The following PHKG2 variants were observed in gnomAD, a reference collection of about 807,000 sequenced individuals.
The protein encoded by PHKG2 is phosphorylase kinase catalytic subunit gamma 2, also known as phosphorylase b kinase gamma catalytic chain, liver/testis isoform.
A neutral mutation model predicts 44.5 loss-of-function variants in PHKG2; 28 were observed. That is an observed-to-expected ratio of 0.63 (90% CI 0.47 to 0.86). The LOEUF is 0.86. PHKG2 is among the 40% of genes least tolerant of loss of function. PHKG2 has a pLI of 0.00. For synonymous variants in PHKG2, 220 were observed against 211.2 expected, an observed-to-expected ratio of 1.04 and a Z score of -0.36; for missense variants, 498 against 547.5, an observed-to-expected ratio of 0.91 and a Z score of 0.90.
At position 30,756,800 on chromosome 16, in the gene PHKG2, C is replaced by A; in HGVS notation, c.928-4C>A. The A allele has an allele frequency of 6.2e-7, 1 of 1,614,142 alleles. No homozygotes were observed. ...ACTAGAGCTCACCCTGCCCCCCTTCCCAGGTGGCAGTGTGGACAGTGCTGG... is the reference window on the plus strand; with the variant it reads ...ACTAGAGCTCACCCTGCCCCCCTTCACAGGTGGCAGTGTGGACAGTGCTGG... On this transcript the variant is annotated splice_region_variant and splice_polypyrimidine_tract_variant and intron_variant, in intron 9 of 9. Coordinates refer to ENST00000563588, the MANE Select transcript of PHKG2 (RefSeq NM_000294.3).
rs144792786 is a variant in PHKG2 at position 30,756,501 on chromosome 16, C to G, written c.782C>G (p.Ser261Cys). ...QFSSPEWDDR[S>C]STVKDLISRL... is the part of the protein sequence containing the mutation. ...AGTTCCCCCGAGTGGGATGACCGTTCCAGCACTGTCAAAGACCTGGTGAGC... is the reference window on the plus strand; with the variant it reads ...AGTTCCCCCGAGTGGGATGACCGTTGCAGCACTGTCAAAGACCTGGTGAGC... Residue 261 changes from serine to cysteine, a missense_variant, in exon 8 of 10, where the codon TCC becomes TGC. By Grantham distance (112) the Ser-to-Cys change is moderately radical (BLOSUM62 -1). Transcript: ENST00000563588. 317 of 1,613,112 alleles carry G rather than the reference C, an allele frequency of 2.0e-4. No individual in the cohort carries two copies. Among genetic ancestry groups the G allele is most frequent in the Non-Finnish European group, 1.7e-4 (197 of 1,180,020 alleles).
chr16:30,753,880 C>T (rs893143527), intron 6 of PHKG2, among the ~76,000 whole-genome samples: 1 of 152,188 alleles, frequency 6.6e-6, no homozygotes, highest in African/African-American at 2.4e-5. Context: ...TGTTCAGCCA[C>T]GTTTGGGGTC....
At position 30,756,956 on chromosome 16, in the gene PHKG2, C is replaced by T; in HGVS notation, c.1080C>T (p.His360=). ...ACTGTGCCTTCCGGCTCTACGGGCA[C>T]TGGGTAAAGAAAGGGGAGCAGCAGA... ...IDNCAFRLYG[H]WVKKGEQQNR... is the part of the protein sequence containing the mutation. The change falls in exon 10 of 10, where the codon CAC becomes CAT. Residue 360 remains histidine (H), a synonymous_variant. Transcript: ENST00000563588. The T allele has an allele frequency of 6.2e-7, 1 of 1,613,476 alleles. No individual in the cohort carries two copies. Among genetic ancestry groups the T allele is most frequent in the Non-Finnish European group, 8.5e-7 (1 of 1,180,020 alleles).
chr16:30,760,180 A>G lies in PHKG2; in HGVS notation c.*3083A>G. ...GTATGATGATGCTACTAATAATGAC[A>G]TATTCCAGGCAGAAATCCCCTGCTT... On this transcript the variant is annotated 3_prime_UTR_variant, in exon 10 of 10. Coordinates refer to ENST00000563588, the MANE Select transcript of PHKG2 (RefSeq NM_000294.3). The G allele has an allele frequency of 6.2e-7, 1 of 1,603,550 alleles. No individual in the cohort carries two copies.
intron 2 of PHKG2, among the ~76,000 whole-genome samples, chr16:30,750,870 C>T (rs1010197994): frequency 1.3e-5 from 2 of 152,178 alleles, no homozygotes; most frequent in African/African-American, 4.8e-5. Flanking sequence ...AGTGGCAGAG[C>T]CTGGATTTGA....
In PHKG2 at chr16:30,759,708, G is replaced by A. The variant is rs756766317; in HGVS notation, c.*2611G>A. On this transcript the variant is annotated 3_prime_UTR_variant, in exon 10 of 10. Coordinates refer to ENST00000563588, the MANE Select transcript of PHKG2 (RefSeq NM_000294.3). Reference sequence around the variant, plus strand: ...TGAAGTAGCGGTAGCACTCCTCCACGTTGCCCAAGGGGGTTGCTGGTAGGG... The same window carrying A: ...TGAAGTAGCGGTAGCACTCCTCCACATTGCCCAAGGGGGTTGCTGGTAGGG... 5 of 1,612,148 alleles carry A rather than the reference G, an allele frequency of 3.1e-6. No individual in the cohort carries two copies. Among genetic ancestry groups the A allele is most frequent in the Non-Finnish European group, 3.4e-6 (4 of 1,178,924 alleles).
chr16:30,759,691 C>T lies in PHKG2; in HGVS notation c.*2594C>T, dbSNP rs749395777. On this transcript the variant is annotated 3_prime_UTR_variant, in exon 10 of 10. Transcript: ENST00000563588. ...GCAAAAAAGGACACTGGTGAAGTAG[C>T]GGTAGCACTCCTCCACGTTGCCCAA... 6 of 1,613,474 alleles carry T rather than the reference C, an allele frequency of 3.7e-6. No homozygotes were observed. Among genetic ancestry groups the T allele is most frequent in the Admixed American group, 1.7e-5 (1 of 59,978 alleles).
Position 30,758,375 on chromosome 16 carries a change from CTT to C in PHKG2, c.*1280_*1281del, listed in dbSNP as rs1461529611. 6.5e-6 allele frequency: 1 copy of C among 153,778 alleles called. No homozygotes were observed. The highest frequency in any genetic ancestry group is 1.4e-5 in the Non-Finnish European group (1 of 69,148). 9.5% of individuals were successfully genotyped at this position (153,778 alleles called of 1,614,324 possible). A position where few individuals can be genotyped will look rare whatever the true frequency, so the allele number is the denominator to read the frequency against. ...TGTGAGCCACTGCACCTGGCCTGTTCTTTGTTTTTTTTTAACTCTTAAGTTCT... is the reference window on the plus strand; with the variant it reads ...TGTGAGCCACTGCACCTGGCCTGTTCTGTTTTTTTTTAACTCTTAAGTTCT... On this transcript the variant is annotated 3_prime_UTR_variant, in exon 10 of 10. Coordinates refer to ENST00000563588, the MANE Select transcript of PHKG2 (RefSeq NM_000294.3).
chr16:30,751,126 G>T lies in PHKG2; in HGVS notation c.116G>T (p.Arg39Leu). 6.2e-7 allele frequency: 1 copy of T among 1,613,702 alleles called. No homozygotes were observed. Among genetic ancestry groups the T allele is most frequent in the Non-Finnish European group, 8.5e-7 (1 of 1,180,038 alleles). The change falls in exon 3 of 10, where the codon CGC (arginine) becomes CTC (leucine). Residue 39 changes from arginine (R) to leucine (L), a missense_variant. By Grantham distance (102) the Arg-to-Leu change is moderately radical. Transcript: ENST00000563588. ...TGCAGAGGAGTGAGCTCTGTGGTCC[G>T]CCGTTGTGTTCATCGAGCTACTGGC... ...VIGRGVSSVVRRCVHRATGHE... is the reference protein window; with the variant it reads ...VIGRGVSSVVLRCVHRATGHE...
chr16:30,749,042 G>GCT (rs2053296088), intron 2 of PHKG2, 127 bp downstream of exon 2: 5 of 172,004 alleles, frequency 2.9e-5, no homozygotes, highest in East Asian at 4.4e-4. Context: ...TGGTGGTGGT[G>GCT]GTGGTGGTGG....
At position 30,751,063 on chromosome 16, in the gene PHKG2, G is replaced by A. The variant is rs762026023; in HGVS notation, c.96-43G>A. On this transcript the variant is annotated intron_variant, in intron 2 of 9. Transcript: ENST00000563588. ...GAGGCCCCAGCCTGTGCGGAAATGT[G>A]AGCACAGAGGCCCTGACTTGTGCTA... 5.0e-6 allele frequency: 8 copies of A among 1,596,914 alleles called. No individual in the cohort carries two copies. In the Admixed American group the frequency reaches 1.3e-4, roughly 27 times the overall value.
intron 6 of PHKG2, chr16:30,754,784 C>T: frequency 2.3e-6 from 1 of 442,764 alleles, no homozygotes; most frequent in East Asian, 7.1e-5. Flanking sequence ...TTTAAACCTC[C>T]AGGGCAGCTT....
At chr16:30,752,322 G>A (rs915982312) in intron 4 of PHKG2, among the ~76,000 whole-genome samples, 1 of 147,196 alleles carries the variant, frequency 6.8e-6, no homozygotes, top group Non-Finnish European at 1.5e-5. Context: ...AACCCGGGAG[G>A]CGGAGGTTGC....
Position 30,755,319 on chromosome 16 carries a change from T to C in PHKG2, c.557-863T>C, listed in dbSNP as rs574542079. 62 of 162,282 alleles carry C rather than the reference T, an allele frequency of 3.8e-4. No homozygotes were observed. The South Asian group carries it at 0.01, about 26-fold the overall frequency. 10.1% of individuals were successfully genotyped at this position (162,282 alleles called of 1,614,324 possible). On this transcript the variant is annotated intron_variant, in intron 6 of 9. Coordinates refer to ENST00000563588, the MANE Select transcript of PHKG2 (RefSeq NM_000294.3). The stretch of plus-strand genomic sequence containing the variant: ...GACTTTAGAACTGTAGATTTGATCA[T>C]GTGTCATGATGTGGAATCAGGGAAG...
At position 30,757,456 on chromosome 16, in the gene PHKG2, A is replaced by G. The variant is rs749977249; in HGVS notation, c.*359A>G. The G allele has an allele frequency of 3.1e-6, 5 of 1,607,380 alleles. No homozygotes were observed. The South Asian group carries it at 3.3e-5, about 11-fold the overall frequency. ...TGGTGCCATTCTGGCCCAGACCTTT[A>G]TTGGGGAAAATGTTGGGGGTCACTT... On this transcript the variant is annotated 3_prime_UTR_variant, in exon 10 of 10. Transcript: ENST00000563588.
Position 30,760,925 on chromosome 16 carries a change from T to C in PHKG2, c.*3828T>C. 1 of 612,100 alleles carries C rather than the reference T, an allele frequency of 1.6e-6. No individual in the cohort carries two copies. The highest frequency in any genetic ancestry group is 2.9e-6 in the Non-Finnish European group (1 of 346,712). The allele number at this position is 612,100 out of a possible 1,614,324, so 37.9% of individuals were successfully genotyped here. A position where few individuals can be genotyped will look rare whatever the true frequency, so the allele number is the denominator to read the frequency against. On this transcript the variant is annotated 3_prime_UTR_variant, in exon 10 of 10. Coordinates refer to ENST00000563588, the MANE Select transcript of PHKG2 (RefSeq NM_000294.3). ...ACTACCTTGTATGACCTTGGTCAAG[T>C]ACTCCCTGTGGCCCTCAGTGTCCCC...
Position 30,757,972 on chromosome 16 carries a change from G to A in PHKG2, c.*875G>A. The A allele has an allele frequency of 2.5e-6, 1 of 396,764 alleles. No individual in the cohort carries two copies. Among genetic ancestry groups the A allele is most frequent in the Non-Finnish European group, 4.1e-6 (1 of 246,632 alleles). The allele number at this position is 396,764 out of a possible 1,614,324, so 24.6% of individuals were successfully genotyped here. A position where few individuals can be genotyped will look rare whatever the true frequency, so the allele number is the denominator to read the frequency against. On this transcript the variant is annotated 3_prime_UTR_variant, in exon 10 of 10. Transcript: ENST00000563588. ...TGATACCTAGCACATAGGATTGAGG[G>A]AGGATTAAATGAGTTAATTTATGTA... is the stretch of plus-strand genomic sequence containing the variant.
At chr16:30,750,440 G>A (rs552429111) in intron 2 of PHKG2, among the ~76,000 whole-genome samples, 9 of 152,310 alleles carry the variant, frequency 5.9e-5, no homozygotes, top group African/African-American at 2.2e-4. Flanking sequence ...GGAGGGATTT[G>A]CTCCTTAGTC....
At position 30,757,028 on chromosome 16, in the gene PHKG2, C is replaced by T. The variant is rs762002530; in HGVS notation, c.1152C>T (p.Ile384=). The T allele has an allele frequency of 1.2e-6, 2 of 1,612,548 alleles. No individual in the cohort carries two copies. The highest frequency in any genetic ancestry group is 1.6e-4 in the Middle Eastern group (1 of 6,080). Residue 384 remains isoleucine, a synonymous_variant, in exon 10 of 10, where the codon ATC becomes ATT. Transcript: ENST00000563588. ...ACCGGCCCCCTGGGCCTTTTCCCAT[C>T]ATGGGCCCTGAAGAGGAGGGAGACT... is the stretch of plus-strand genomic sequence containing the variant. ...FQHRPPGPFP[I]MGPEEEGDSA... is the part of the protein sequence containing the mutation.
Sources: gnomAD v4.1 joint callset for allele counts (sites outside exome capture counted in the v4.1 genomes callset) on GRCh38, gnomAD v4.1.1 for gene constraint, MANE v1.5 for transcripts, NCBI Gene and HGNC (gene_info 2026-07-23, HGNC 2026-07-21) for gene names.